Variants in KIF14 observed in about 807,000 individuals in gnomAD.
The protein encoded by KIF14 is kinesin-like protein KIF14.
KIF14 carries 98 observed loss-of-function variants against 176.2 expected under a neutral mutation model. That is an observed-to-expected ratio of 0.56 (90% CI 0.47 to 0.66). The LOEUF (loss-of-function observed/expected upper bound fraction) is 0.66. Among genes scored for constraint, KIF14 ranks in the 30% least tolerant of loss-of-function variants. KIF14 has a pLI of 0.00. For missense variants in KIF14, 1,751 were observed against 1,920.4 expected, an observed-to-expected ratio of 0.91 and a Z score of 1.65; for synonymous variants, 566 against 632.2, an observed-to-expected ratio of 0.90 and a Z score of 1.57.
intron 21 of KIF14, among the ~76,000 whole-genome samples, chr1:200,576,479 A>G (rs865784175): frequency 2.9e-4 from 27 of 92,530 alleles, no homozygotes; most frequent in African/African-American, 9.9e-4. Context: ...CTCCGTCTCA[A>G]AAAAAAAAAA....
intron 4 of KIF14, among the ~76,000 whole-genome samples, chr1:200,613,828 T>C (rs1192164139): frequency 1.3e-5 from 2 of 152,110 alleles, no homozygotes; most frequent in Non-Finnish European, 2.9e-5. Context: ...AAAAGGTAGC[T>C]GAATGTGTAA....
intron 14 of KIF14, 81 bp downstream of exon 14, chr1:200,598,156 G>A (rs1441131173): frequency 1.2e-5 from 15 of 1,210,834 alleles, no homozygotes; most frequent in East Asian, 2.4e-5. Context: ...CAGTATCAAC[G>A]AATATGCCAT....
At chr1:200,569,185 A>C (rs1657641683) in intron 23 of KIF14, among the ~76,000 whole-genome samples, 1 of 152,136 alleles carries the variant, frequency 6.6e-6, no homozygotes, top group African/African-American at 2.4e-5. Context: ...TCAGCCTCCC[A>C]AAGTGCTAGG....
intron 25 of KIF14, 22 bp from the exon 26 acceptor site, chr1:200,560,902 G>A: frequency 6.2e-7 from 1 of 1,602,992 alleles, no homozygotes; most frequent in African/African-American, 1.3e-5. Flanking sequence ...AAATGGACAA[G>A]TGTATCAGAT....
At chr1:200,579,458 A>C (rs954042747) in intron 21 of KIF14, among the ~76,000 whole-genome samples, 1 of 152,054 alleles carries the variant, frequency 6.6e-6, no homozygotes, top group African/African-American at 2.4e-5. Context: ...AAAATACAAA[A>C]ATTAGCTGGG....
intron 14 of KIF14, among the ~76,000 whole-genome samples, chr1:200,595,928 T>A (rs1284097021): frequency 2.0e-5 from 2 of 99,996 alleles, no homozygotes; most frequent in Admixed American, 1.3e-4. Context: ...TGAGACTCCA[T>A]CTCCAAAAAA....
chr1:200,565,296 A>G, intron 24 of KIF14, 43 bp from the exon 25 acceptor site: 1 of 1,537,458 alleles, frequency 6.5e-7, no homozygotes, highest in African/African-American at 1.4e-5. Flanking sequence ...ATATTATCCA[A>G]ATAAAAGAAC....
intron 8 of KIF14, among the ~76,000 whole-genome samples, chr1:200,604,815 G>A (rs1659792777): frequency 6.6e-6 from 1 of 151,922 alleles, no homozygotes; most frequent in South Asian, 2.1e-4. Context: ...CTGAATGGTG[G>A]AACCTATGGC....
chr1:200,558,574 G>C (rs754561697), intron 27 of KIF14, among the ~76,000 whole-genome samples: 2 of 152,050 alleles, frequency 1.3e-5, no homozygotes, highest in Non-Finnish European at 2.9e-5. Context: ...TATTCATAGG[G>C]CTTTTTCTTA....
At position 200,615,524 on chromosome 1, in the gene KIF14, T is replaced by C; in HGVS notation, c.1198A>G (p.Asn400Asp). 1 of 1,613,940 alleles carries C rather than the reference T, an allele frequency of 6.2e-7. No individual in the cohort carries two copies. The highest frequency in any genetic ancestry group is 1.1e-5 in the South Asian group (1 of 91,070). The change falls in exon 3 of 30, where the codon AAT (asparagine) becomes GAT (aspartate). Residue 400 changes from asparagine to aspartate, a missense_variant. By Grantham distance (23) the Asn-to-Asp change is conservative (BLOSUM62 1). Transcript: ENST00000367350. ...CAGAATGAAACATCATAAATAAAAT[T>C]ATAAACTTGTTTCGTGTCAGGGTGT... Reference protein sequence around the residue: ...VEHPDTKQVYNFIYDVSFWSF... With the variant: ...VEHPDTKQVYDFIYDVSFWSF...
chr1:200,580,551 T>A (rs1261446274), intron 20 of KIF14, among the ~76,000 whole-genome samples, 168 bp from the exon 21 acceptor site: 2 of 151,994 alleles, frequency 1.3e-5, no homozygotes, highest in African/African-American at 4.8e-5. Context: ...ATAAAACATA[T>A]AAAAATAACA....
chr1:200,564,847 T>C (rs1657355775), intron 25 of KIF14, among the ~76,000 whole-genome samples: 1 of 152,220 alleles, frequency 6.6e-6, no homozygotes, highest in South Asian at 2.1e-4. Context: ...AAGGATTAAA[T>C]GAGTTAATAT....
chr1:200,606,555 G>C (rs1176937698), intron 6 of KIF14, among the ~76,000 whole-genome samples, 191 bp downstream of exon 6: 4 of 152,174 alleles, frequency 2.6e-5, no homozygotes, highest in Non-Finnish European at 5.9e-5. Flanking sequence ...ATTAAAACAA[G>C]TAACTAACAC....
chr1:200,610,164 C>T (rs1457437123), intron 4 of KIF14, among the ~76,000 whole-genome samples: 1 of 152,048 alleles, frequency 6.6e-6, no homozygotes, highest in Non-Finnish European at 1.5e-5. Flanking sequence ...GAATTATATA[C>T]TTTAAAGTGG....
At chr1:200,617,561 G>C in intron 2 of KIF14, 51 bp downstream of exon 2, 1 of 1,520,272 alleles carries the variant, frequency 6.6e-7, no homozygotes, top group Non-Finnish European at 8.8e-7. Flanking sequence ...AGGAATTAAA[G>C]GTACCTTACA....
At chr1:200,573,316 C>T (rs538191874) in intron 22 of KIF14, among the ~76,000 whole-genome samples, 22 of 152,092 alleles carry the variant, frequency 1.4e-4, no homozygotes, top group South Asian at 1.0e-3. Context: ...TACATGACTA[C>T]ACTGAGCATG....
intron 25 of KIF14, among the ~76,000 whole-genome samples, chr1:200,561,229 T>TAAAAAA (rs10643609): frequency 2.3e-5 from 3 of 128,076 alleles, no homozygotes; most frequent in Admixed American, 8.3e-5. Flanking sequence ...GACTCCATCT[T>TAAAAAA]AAAAAAAAAA....
At chr1:200,594,658 T>C (rs1302545136) in intron 14 of KIF14, among the ~76,000 whole-genome samples, 1 of 152,176 alleles carries the variant, frequency 6.6e-6, no homozygotes, top group Non-Finnish European at 1.5e-5. Context: ...TGAGTCTTTT[T>C]ATTCAGAGAA....
At chr1:200,577,694 C>T (rs1404184847) in intron 21 of KIF14, among the ~76,000 whole-genome samples, 1 of 149,378 alleles carries the variant, frequency 6.7e-6, no homozygotes, top group Non-Finnish European at 1.5e-5. Flanking sequence ...AGTGAGACTC[C>T]GTCTCAAAAA....
Sources: allele counts gnomAD v4.1 joint callset (sites outside exome capture counted in the v4.1 genomes callset), GRCh38; gene constraint gnomAD v4.1.1; transcripts MANE v1.5; gene names NCBI Gene and HGNC (gene_info 2026-07-23, HGNC 2026-07-21).